Variants in EXD2 observed in about 807,000 individuals in gnomAD.
EXD2 encodes the protein exonuclease 3'-5' domain containing 2.
In EXD2, 40 loss-of-function variants were observed where a neutral mutation model predicts 62.5. The ratio of observed to expected loss-of-function variants is 0.64; its 90% CI spans 0.50 to 0.83. EXD2 has a LOEUF of 0.83. EXD2 is among the 40% of genes least tolerant of loss of function. The pLI is 0.00. For missense variants in EXD2, 671 were observed against 761.8 expected (o/e 0.88, Z 1.40); for synonymous variants, 239 against 291.9 (o/e 0.82, Z 1.85).
intron 3 of EXD2, among the ~76,000 whole-genome samples, chr14:69,213,422 G>A (rs918272871): frequency 9.4e-5 from 12 of 127,778 alleles, no homozygotes; most frequent in Non-Finnish European, 2.0e-4. Flanking sequence ...TTGCTTTGTT[G>A]TGCAGTTGTG....
At position 69,209,577 on chromosome 14, in the gene EXD2, C is replaced by T. The variant is rs770418703; in HGVS notation, c.107C>T (p.Thr36Met). ...KGIQRRRRSK[T>M]SPVTQQPQQK... ...ATCCAGCGCCGCCGAAGGAGTAAAA[C>T]GAGTCCTGTGACCCAACAGCCACAG... The change falls in exon 3 of 10, where the codon ACG (threonine) becomes ATG (methionine). Residue 36 changes from threonine (T) to methionine (M), a missense_variant. Physicochemically the swap from Thr to Met is moderately conservative, Grantham distance 81. Transcript: ENST00000685843. 15 of 1,550,522 alleles carry T rather than the reference C, an allele frequency of 9.7e-6. No individual in the cohort carries two copies. The highest frequency in any genetic ancestry group is 4.1e-5 in the African/African-American group (3 of 73,132).
intron 3 of EXD2, among the ~76,000 whole-genome samples, chr14:69,226,462 A>G (rs1387944472): frequency 6.6e-6 from 1 of 152,228 alleles, no homozygotes; most frequent in Non-Finnish European, 1.5e-5. Flanking sequence ...GTTGAGGGCT[A>G]GAGGGCCGGG....
At chr14:69,222,428 C>A (rs1034487075) in intron 3 of EXD2, among the ~76,000 whole-genome samples, 1 of 152,170 alleles carries the variant, frequency 6.6e-6, no homozygotes, top group Non-Finnish European at 1.5e-5. Flanking sequence ...TCCACTGAAA[C>A]TGGTCAAGTT....
At chr14:69,196,375 C>T (rs2090712) in intron 1 of EXD2, among the ~76,000 whole-genome samples, 104,712 of 152,148 alleles carry the variant, frequency 0.69, 36,748 homozygotes, top group East Asian at 1. Context: ...TCATAACATA[C>T]GGATATGCTA....
intron 3 of EXD2, among the ~76,000 whole-genome samples, chr14:69,223,436 T>C (rs2043254576): frequency 6.6e-6 from 1 of 152,214 alleles, no homozygotes; most frequent in Admixed American, 6.5e-5. Flanking sequence ...TCCAACAGGA[T>C]GGTGATATGA....
At chr14:69,206,713 C>T (rs1477862219) in intron 2 of EXD2, among the ~76,000 whole-genome samples, 1 of 152,028 alleles carries the variant, frequency 6.6e-6, no homozygotes, top group East Asian at 1.9e-4. Flanking sequence ...AACTCCTAGG[C>T]TCAAGCCGTC....
At chr14:69,223,272 A>G (rs899836930) in intron 3 of EXD2, among the ~76,000 whole-genome samples, 2 of 152,130 alleles carry the variant, frequency 1.3e-5, no homozygotes, top group Non-Finnish European at 2.9e-5. Flanking sequence ...TCACCTGCCT[A>G]CTTGACATCT....
chr14:69,234,569 G>A (rs570569838), intron 5 of EXD2, 131 bp from the exon 6 acceptor site: 3 of 724,562 alleles, frequency 4.1e-6, no homozygotes, highest in East Asian at 5.4e-5. Context: ...TTAAGGAAGT[G>A]TATGGTGCCC....
In EXD2 at chr14:69,204,017, G is replaced by A. The variant is rs1023917807; in HGVS notation, c.-48+17G>A. On this transcript the variant is annotated intron_variant, in intron 2 of 9. Coordinates refer to ENST00000685843, the MANE Select transcript of EXD2 (RefSeq NM_001193360.2). The stretch of plus-strand genomic sequence containing the variant: ...CTACAGCTAGTGAGTAACAGAGGCT[G>A]GATTTAAGCCTACGCTATTTGATGT... 2.0e-5 allele frequency: 3 copies of A among 152,128 alleles called. No individual in the cohort carries two copies. Among genetic ancestry groups the A allele is most frequent in the African/African-American group, 7.2e-5 (3 of 41,432 alleles). 9.4% of individuals were successfully genotyped at this position (152,128 alleles called of 1,614,324 possible). A position where few individuals can be genotyped will look rare whatever the true frequency, so the allele number is the denominator to read the frequency against.
chr14:69,230,372 T>C, intron 4 of EXD2, 100 bp from the exon 5 acceptor site: 1 of 655,980 alleles, frequency 1.5e-6, no homozygotes, highest in African/African-American at 1.8e-5. Flanking sequence ...TGAGATTCAG[T>C]ATGTTATCTC....
At position 69,197,823 on chromosome 14, in the gene EXD2, A is replaced by G. The variant is rs570107978; in HGVS notation, c.-131-6094A>G. ...AAAATGAAGTTTGTATTGAATTTAC[A>G]TATTATTTTGAGTATTTCTATAAAA... On this transcript the variant is annotated intron_variant, in intron 1 of 9. Coordinates refer to ENST00000685843, the MANE Select transcript of EXD2 (RefSeq NM_001193360.2). Among the ~76,000 whole-genome samples the G allele has an allele frequency of 1.1e-4, 16 of 152,344 alleles. No individual in the cohort carries two copies. The South Asian group carries it at 3.3e-3, about 32-fold the overall frequency.
chr14:69,233,543 G>T (rs1030668346), intron 5 of EXD2, among the ~76,000 whole-genome samples: 1 of 151,514 alleles, frequency 6.6e-6, no homozygotes, highest in Non-Finnish European at 1.5e-5. Flanking sequence ...AGGTTCAAGC[G>T]ATTCTCCTGC....
At chr14:69,226,773 GT>G (rs10710360) in intron 3 of EXD2, among the ~76,000 whole-genome samples, 96,689 of 140,672 alleles carry the variant, frequency 0.69, 33,694 homozygotes, top group East Asian at 0.96. Flanking sequence ...AGCCCTCCCA[GT>G]TTTTTTTTTT....
chr14:69,194,943 G>A (rs781187765), intron 1 of EXD2, among the ~76,000 whole-genome samples: 1 of 152,150 alleles, frequency 6.6e-6, no homozygotes, highest in Non-Finnish European at 1.5e-5. Flanking sequence ...TGGGAGCCGG[G>A]CGCGGTGGCT....
intron 3 of EXD2, among the ~76,000 whole-genome samples, chr14:69,226,683 G>T (rs1173596492): frequency 2.0e-5 from 3 of 152,124 alleles, no homozygotes; most frequent in Non-Finnish European, 4.4e-5. Context: ...GGGAGGGAGA[G>T]GTTGCAGTGA....
chr14:69,230,509 C>T lies in EXD2; in HGVS notation c.628C>T (p.Leu210Phe), dbSNP rs781102008. 14 of 1,613,668 alleles carry T rather than the reference C, an allele frequency of 8.7e-6. No individual in the cohort carries two copies. The South Asian group carries it at 1.4e-4, about 16-fold the overall frequency. The change falls in exon 5 of 10, where the codon CTC becomes TTC. Residue 210 changes from leucine to phenylalanine, a missense_variant. By Grantham distance (22) the Leu-to-Phe change is conservative. Transcript: ENST00000685843. The part of the protein sequence containing the change: ...LLCNGLSLKS[L>F]AETVLNFPLD... ...CTGTAATGGGCTTAGCCTGAAGTCC[C>T]TCGCTGAGACTGTTTTGAACTTTCC...
At chr14:69,206,899 A>G (rs1352493819) in intron 2 of EXD2, among the ~76,000 whole-genome samples, 1 of 152,116 alleles carries the variant, frequency 6.6e-6, no homozygotes, top group Non-Finnish European at 1.5e-5. Context: ...CAGCATTTGC[A>G]TTGTTTAGAG....
At chr14:69,220,271 T>TTTG in intron 3 of EXD2, among the ~76,000 whole-genome samples, 2 of 111,608 alleles carry the variant, frequency 1.8e-5, no homozygotes, top group African/African-American at 7.1e-5. Flanking sequence ...TTTTTTTTTT[T>TTTG]TTTTTTTTTT....
rs142489444 is a variant in EXD2, at chr14:69,227,718, C to T, written c.334-1098C>T. Among the ~76,000 whole-genome samples, 245 of 152,170 alleles carry T rather than the reference C, an allele frequency of 1.6e-3. 4 individuals are homozygous for T. The highest frequency in any genetic ancestry group is 5.6e-3 in the African/African-American group (233 of 41,502). Reference sequence around the variant, plus strand: ...AATTAGCTGGGCGTGCCTGTAACCCCAGCTACTCGGGAGGCTGAGGCAGGA... The same window carrying T: ...AATTAGCTGGGCGTGCCTGTAACCCTAGCTACTCGGGAGGCTGAGGCAGGA... On this transcript the variant is annotated intron_variant, in intron 3 of 9. Coordinates refer to ENST00000685843, the MANE Select transcript of EXD2 (RefSeq NM_001193360.2).
Sources: gnomAD v4.1 joint callset for allele counts (sites outside exome capture counted in the v4.1 genomes callset) on GRCh38, gnomAD v4.1.1 for gene constraint, MANE v1.5 for transcripts, NCBI Gene and HGNC (gene_info 2026-07-23, HGNC 2026-07-21) for gene names.